The following RPS6KA5 variants were observed in gnomAD, a reference collection of about 807,000 sequenced individuals.
RPS6KA5 encodes the protein ribosomal protein S6 kinase alpha-5.
RPS6KA5 carries 27 observed loss-of-function variants against 85.5 expected under a neutral mutation model. That is an observed-to-expected ratio of 0.32 (90% confidence interval 0.23 to 0.44). The LOEUF is 0.44. Among genes scored for constraint, RPS6KA5 ranks in the 20% least tolerant of loss-of-function variants. The pLI is 1.00. For missense variants in RPS6KA5, 811 were observed against 980.9 expected (o/e 0.83, Z 2.31); for synonymous variants, 334 against 348.2 (o/e 0.96, Z 0.46).
At chr14:90,983,289 AAAAG>A (rs1440705626) in intron 2 of RPS6KA5, among the ~76,000 whole-genome samples, 5 of 151,774 alleles carry the variant, frequency 3.3e-5, no homozygotes, top group East Asian at 1.9e-4. Context: ...AAAAAAAAAA[AAAAG>A]AAAGAAAGAA....
chr14:91,001,850 T>C (rs935010836), intron 1 of RPS6KA5, among the ~76,000 whole-genome samples: 3 of 152,194 alleles, frequency 2.0e-5, no homozygotes, highest in African/African-American at 7.2e-5. Flanking sequence ...TATCCTATAA[T>C]AGGTGTTCTG....
In RPS6KA5 at chr14:90,862,866, C is replaced by T. The variant is rs1268041100; in HGVS notation, c.*9208G>A. The T allele has an allele frequency of 1.4e-5, 2 of 147,866 alleles. No homozygotes were observed. The highest frequency in any genetic ancestry group is 2.5e-5 in the African/African-American group (1 of 39,396). The allele number at this position is 147,866 out of a possible 1,614,324, so 9.2% of individuals were successfully genotyped here. ...ATACATCATGAAAATGGAATTTATT[C>T]TATTTTCAGCATTTGAAAATTGAAG... On this transcript the variant is annotated 3_prime_UTR_variant, in exon 17 of 17. Transcript: ENST00000614987.
At chr14:90,960,390 T>C (rs1279444257) in intron 3 of RPS6KA5, among the ~76,000 whole-genome samples, 2 of 152,176 alleles carry the variant, frequency 1.3e-5, no homozygotes, top group East Asian at 1.9e-4. Flanking sequence ...ATTTTCAAAT[T>C]GTTATTCTCT....
Position 90,871,404 on chromosome 14 carries a change from T to G in RPS6KA5, c.*670A>C, listed in dbSNP as rs912305510. On this transcript the variant is annotated 3_prime_UTR_variant, in exon 17 of 17. Coordinates refer to ENST00000614987, the MANE Select transcript of RPS6KA5 (RefSeq NM_004755.4). ...AAAACAAATTGCCAGGAAAGAGCAG[T>G]GCAAAATTAAAAACATACACATAGC... 1 of 152,100 alleles carries G rather than the reference T, an allele frequency of 6.6e-6. No homozygotes were observed. The highest frequency in any genetic ancestry group is 1.9e-4 in the East Asian group (1 of 5,180). 9.4% of individuals were successfully genotyped at this position (152,100 alleles called of 1,614,324 possible). A position where few individuals can be genotyped will look rare whatever the true frequency, so the allele number is the denominator to read the frequency against.
chr14:91,016,859 A>G (rs912996560), intron 1 of RPS6KA5, among the ~76,000 whole-genome samples: 1 of 103,466 alleles, frequency 9.7e-6, no homozygotes, highest in African/African-American at 3.5e-5. Flanking sequence ...AGAGCTCTCT[A>G]AACAGGCAAA....
intron 7 of RPS6KA5, among the ~76,000 whole-genome samples, chr14:90,911,809 C>T (rs2035832010): frequency 6.6e-6 from 1 of 152,120 alleles, no homozygotes. Flanking sequence ...TAGTATATGT[C>T]TCTGCGTGTT....
At chr14:91,010,959 C>T (rs1193201378) in intron 1 of RPS6KA5, among the ~76,000 whole-genome samples, 1 of 152,122 alleles carries the variant, frequency 6.6e-6, no homozygotes, top group Non-Finnish European at 1.5e-5. Flanking sequence ...TTCTCACCAA[C>T]ACAAATGGTC....
chr14:90,896,477 G>C (rs1465724579), intron 12 of RPS6KA5, among the ~76,000 whole-genome samples: 18 of 152,144 alleles, frequency 1.2e-4, no homozygotes, highest in Admixed American at 1.2e-3. Context: ...ACCTTAGAAG[G>C]ATGGCAAAAG....
chr14:90,916,679 TCACA>T (rs10615964), intron 7 of RPS6KA5, among the ~76,000 whole-genome samples: 5,242 of 150,464 alleles, frequency 0.035, 304 homozygotes, highest in African/African-American at 0.12. Context: ...TAAATTTCTG[TCACA>T]CACACACACA....
chr14:90,908,698 C>T (rs1021081864), intron 7 of RPS6KA5, among the ~76,000 whole-genome samples: 6 of 152,178 alleles, frequency 3.9e-5, no homozygotes, highest in African/African-American at 1.2e-4. Flanking sequence ...CCAGATGTAA[C>T]TATTTCTTAT....
intron 7 of RPS6KA5, among the ~76,000 whole-genome samples, chr14:90,914,088 T>C (rs559132196): frequency 6.6e-5 from 10 of 152,198 alleles, no homozygotes; most frequent in Non-Finnish European, 1.0e-4. Context: ...CTTTCCAGTA[T>C]GTATGAGGCT....
chr14:91,028,874 T>C (rs899500031), intron 1 of RPS6KA5, among the ~76,000 whole-genome samples: 4 of 152,230 alleles, frequency 2.6e-5, no homozygotes, highest in Admixed American at 1.3e-4. Flanking sequence ...TTTATATACA[T>C]AGAGGTATTT....
intron 1 of RPS6KA5, among the ~76,000 whole-genome samples, chr14:91,037,186 C>A (rs1334952381): frequency 1.3e-5 from 2 of 152,172 alleles, no homozygotes; most frequent in African/African-American, 2.4e-5. Flanking sequence ...TAAACAGGCA[C>A]TGGAAGCAAC....
At position 90,996,485 on chromosome 14, in the gene RPS6KA5, A is replaced by T. The variant is rs147031774; in HGVS notation, c.175+4603T>A. Among the ~76,000 whole-genome samples, 304 of 152,314 alleles carry T rather than the reference A, an allele frequency of 2.0e-3. 2 individuals carry two copies. Among genetic ancestry groups the T allele is most frequent in the African/African-American group, 6.2e-3 (259 of 41,574 alleles). ...GTAGATGCTATGTCTATTTTGCTAT[A>T]GAGAAGTTATCTGTTATTACAGATT... is the stretch of plus-strand genomic sequence containing the variant. On this transcript the variant is annotated intron_variant, in intron 2 of 16. Transcript: ENST00000614987.
At chr14:90,952,579 G>A (rs1324046045) in intron 3 of RPS6KA5, among the ~76,000 whole-genome samples, 1 of 152,232 alleles carries the variant, frequency 6.6e-6, no homozygotes, top group Non-Finnish European at 1.5e-5. Flanking sequence ...CCACCCAAAT[G>A]TGGAATTCTC....
chr14:90,866,188 ACAACTCACAAAG>A lies in RPS6KA5; in HGVS notation c.*5874_*5885del, dbSNP rs1425069002. On this transcript the variant is annotated 3_prime_UTR_variant, in exon 17 of 17. Coordinates refer to ENST00000614987, the MANE Select transcript of RPS6KA5 (RefSeq NM_004755.4). ...GGATGAACTGATGCAGTTAAGGAAG[ACAACTCACAAAG>A]CAACTCACGGCTGGGCAAAGCTGGG... 6.6e-6 allele frequency: 1 copy of A among 152,334 alleles called. No individual in the cohort carries two copies. The highest frequency in any genetic ancestry group is 1.5e-5 in the Non-Finnish European group (1 of 68,142). 9.4% of individuals were successfully genotyped at this position (152,334 alleles called of 1,614,324 possible).
At chr14:91,045,824 C>A (rs934433330) in intron 1 of RPS6KA5, among the ~76,000 whole-genome samples, 2 of 152,068 alleles carry the variant, frequency 1.3e-5, no homozygotes, top group African/African-American at 4.8e-5. Flanking sequence ...CTCTAGAAAC[C>A]CCTGCATGAA....
At chr14:90,948,269 A>G (rs1022259482) in intron 3 of RPS6KA5, among the ~76,000 whole-genome samples, 7 of 152,264 alleles carry the variant, frequency 4.6e-5, no homozygotes, top group African/African-American at 1.7e-4. Flanking sequence ...ATTTCTTCAT[A>G]AACGCAGAAC....
At chr14:91,005,083 C>T (rs563450422) in intron 1 of RPS6KA5, among the ~76,000 whole-genome samples, 1 of 152,270 alleles carries the variant, frequency 6.6e-6, no homozygotes, top group South Asian at 2.1e-4. Context: ...AATCACTTCC[C>T]TGGTAACTAA....
Sources: gnomAD v4.1 joint callset for allele counts (sites outside exome capture counted in the v4.1 genomes callset) on GRCh38, gnomAD v4.1.1 for gene constraint, MANE v1.5 for transcripts, NCBI Gene and HGNC (gene_info 2026-07-23, HGNC 2026-07-21) for gene names.